The following UTRN variants were observed in gnomAD, a reference collection of about 807,000 sequenced individuals.
The protein encoded by UTRN is utrophin.
In UTRN, 283 loss-of-function variants were observed where a neutral mutation model predicts 463.9. That is an observed-to-expected ratio of 0.61 (90% confidence interval 0.55 to 0.67). The LOEUF (loss-of-function observed/expected upper bound fraction) is 0.67. UTRN is among the 30% of genes least tolerant of loss of function. The probability of loss-of-function intolerance (pLI) is 0.00; values close to 1 mark genes in which losing one functional copy is unlikely to be tolerated. For missense variants in UTRN, 3,922 were observed against 4,084.3 expected, an observed-to-expected ratio of 0.96 and a Z score of 1.08; for synonymous variants, 1,442 against 1,431.5, an observed-to-expected ratio of 1.01 and a Z score of -0.17.
At position 144,342,945 on chromosome 6, in the gene UTRN, C is replaced by T. The variant is rs76924478; in HGVS notation, c.79+51038C>T. On this transcript the variant is annotated intron_variant, in intron 2 of 74. Transcript: ENST00000367545. ...TCCTAGAAGACAGGTGAAGTCAGCC[C>T]GTCCATTTTACAGATTTGGAGACTG... is the stretch of plus-strand genomic sequence containing the variant. 4.6e-3 allele frequency among the ~76,000 whole-genome samples: 704 copies of T among 152,116 alleles called. 10 individuals carry two copies. Among genetic ancestry groups the T allele is most frequent in the African/African-American group, 0.016 (669 of 41,442 alleles).
chr6:144,610,759 T>A (rs921849211), intron 51 of UTRN, among the ~76,000 whole-genome samples: 2 of 152,034 alleles, frequency 1.3e-5, no homozygotes, highest in African/African-American at 2.4e-5. Context: ...CCTGTAATCC[T>A]AGCTACTTGA....
intron 30 of UTRN, among the ~76,000 whole-genome samples, chr6:144,489,240 G>A (rs1333029380): frequency 1.3e-5 from 2 of 151,926 alleles, no homozygotes; most frequent in Admixed American, 6.6e-5. Context: ...TAGTAGAGAC[G>A]GGGTTTCGCC....
chr6:144,684,958 C>T (rs1314916100), intron 52 of UTRN, among the ~76,000 whole-genome samples: 1 of 152,112 alleles, frequency 6.6e-6, no homozygotes, highest in Non-Finnish European at 1.5e-5. Flanking sequence ...GATTTTAGTG[C>T]ACCCATCACT....
intron 41 of UTRN, among the ~76,000 whole-genome samples, chr6:144,524,229 C>A (rs765363923): frequency 1.6e-4 from 25 of 152,030 alleles, no homozygotes; most frequent in Middle Eastern, 6.8e-3. Context: ...TCTCTTTGTA[C>A]CTTTGGAGAA....
intron 62 of UTRN, among the ~76,000 whole-genome samples, chr6:144,791,543 C>T (rs924382984): frequency 1.3e-5 from 2 of 151,472 alleles, no homozygotes; most frequent in South Asian, 2.1e-4. Context: ...ACCACACTTC[C>T]AGCCTGGATG....
At chr6:144,724,701 T>C (rs1221379276) in intron 53 of UTRN, among the ~76,000 whole-genome samples, 1 of 152,162 alleles carries the variant, frequency 6.6e-6, no homozygotes, top group Non-Finnish European at 1.5e-5. Context: ...TGCCCTTTCA[T>C]GTCTAGCTTC....
intron 3 of UTRN, among the ~76,000 whole-genome samples, chr6:144,412,097 A>G (rs980221058): frequency 2.0e-5 from 3 of 152,208 alleles, no homozygotes; most frequent in African/African-American, 7.2e-5. Context: ...CATATCATAC[A>G]GTCTTCATTT....
At chr6:144,732,239 CAT>C (rs71810800) in intron 54 of UTRN, among the ~76,000 whole-genome samples, 59,895 of 115,484 alleles carry the variant, frequency 0.52, 17,556 homozygotes, top group Non-Finnish European at 0.69. Context: ...TATATATATA[CAT>C]ATATATATAT....
intron 54 of UTRN, among the ~76,000 whole-genome samples, chr6:144,735,240 T>C (rs1388207403): frequency 6.6e-6 from 1 of 152,168 alleles, no homozygotes; most frequent in East Asian, 1.9e-4. Flanking sequence ...AGAAGGACTC[T>C]GAGGGTCAGA....
intron 50 of UTRN, among the ~76,000 whole-genome samples, chr6:144,557,715 C>T (rs1799518049): frequency 6.6e-6 from 1 of 151,962 alleles, no homozygotes; most frequent in Non-Finnish European, 1.5e-5. Flanking sequence ...GGTGGGGCAT[C>T]CTAAGTTGAG....
At chr6:144,759,360 A>G (rs1165047452) in intron 58 of UTRN, among the ~76,000 whole-genome samples, 1 of 152,172 alleles carries the variant, frequency 6.6e-6, no homozygotes, top group African/African-American at 2.4e-5. Flanking sequence ...ATTGTACACT[A>G]TAACAATAAT....
chr6:144,368,418 T>C (rs1779692468), intron 2 of UTRN, among the ~76,000 whole-genome samples: 1 of 152,246 alleles, frequency 6.6e-6, no homozygotes, highest in African/African-American at 2.4e-5. Context: ...TTAATTTTTA[T>C]ATGCTAGATT....
chr6:144,297,784 A>C (rs1804861244), intron 2 of UTRN, among the ~76,000 whole-genome samples: 2 of 152,212 alleles, frequency 1.3e-5, no homozygotes, highest in Admixed American at 6.5e-5. Context: ...AATCATGAGA[A>C]AGTTTTTTTG....
intron 2 of UTRN, chr6:144,398,234 C>T: frequency 3.8e-6 from 1 of 261,428 alleles, no homozygotes; most frequent in Non-Finnish European, 7.8e-6. Flanking sequence ...GTAGGTTTTT[C>T]CAGGAGTTTT....
intron 74 of UTRN, among the ~76,000 whole-genome samples, chr6:144,847,106 T>A (rs1294733190): frequency 6.6e-6 from 1 of 152,180 alleles, no homozygotes; most frequent in East Asian, 1.9e-4. Flanking sequence ...CTAGATAGAT[T>A]TGACCACCAC....
chr6:144,445,311 AC>A lies in UTRN; in HGVS notation c.1614+930del, dbSNP rs1321964884. 2.9e-4 allele frequency among the ~76,000 whole-genome samples: 41 copies of A among 143,552 alleles called. 1 individual carries two copies. The highest frequency in any genetic ancestry group is 8.3e-4 in the Admixed American group (11 of 13,254). The allele number at this position is 143,552 out of a possible 152,430, so 94.2% of individuals were successfully genotyped here. ...GGTTGCAGTGAGCCGAGACTGTGCC[AC>A]TGCACTCCAGCCTGGGAGACAAGAG... is the stretch of plus-strand genomic sequence containing the variant. On this transcript the variant is annotated intron_variant, in intron 14 of 74. Transcript: ENST00000367545.
chr6:144,539,227 A>G, intron 44 of UTRN, 67 bp from the exon 45 acceptor site: 3 of 1,451,166 alleles, frequency 2.1e-6, no homozygotes, highest in Non-Finnish European at 2.8e-6. Context: ...AAAGGTTTCT[A>G]ATACAGTTCT....
intron 2 of UTRN, chr6:144,398,213 G>A (rs1782626396): frequency 8.3e-6 from 2 of 239,774 alleles, no homozygotes; most frequent in East Asian, 1.1e-4. Flanking sequence ...GGCTTTGGAA[G>A]GTACTGTGCT....
chr6:144,555,058 G>T (rs201441104), intron 49 of UTRN, among the ~76,000 whole-genome samples, 165 bp downstream of exon 49: 1 of 151,540 alleles, frequency 6.6e-6, no homozygotes, highest in Non-Finnish European at 1.5e-5. Flanking sequence ...GATTTTTTTC[G>T]AAAAATTTCT....
Sources: allele counts gnomAD v4.1 joint callset (sites outside exome capture counted in the v4.1 genomes callset), GRCh38; gene constraint gnomAD v4.1.1; transcripts MANE v1.5; gene names NCBI Gene and HGNC (gene_info 2026-07-23, HGNC 2026-07-21).